Variants in NCOR1 observed in about 807,000 individuals in gnomAD.
The protein encoded by NCOR1 is nuclear receptor corepressor 1.
A neutral mutation model predicts 288.1 loss-of-function variants in NCOR1; 63 were observed. That is an observed-to-expected ratio of 0.22 (90% confidence interval 0.18 to 0.27). NCOR1 has a LOEUF of 0.27. NCOR1 is among the 10% of genes least tolerant of loss of function. The pLI, the probability that NCOR1 is intolerant of heterozygous loss-of-function variation, is 1.00. For synonymous variants in NCOR1, 1,007 were observed against 1,065.9 expected (o/e 0.94, Z 1.08); for missense variants, 2,397 against 3,019.2 (o/e 0.79, Z 4.83).
chr17:16,070,619 C>T (rs2061638475), intron 30 of NCOR1, 94 bp from the exon 31 acceptor site: 1 of 1,489,830 alleles, frequency 6.7e-7, no homozygotes. Flanking sequence ...TTACAGTTCA[C>T]TGTGGTGATC....
In NCOR1 at chr17:16,119,492, TAAAG is replaced by T. The variant is rs757867765; in HGVS notation, c.1853-11_1853-8del. ...TCCACAGGCTCTGTAGAAACTAAAATAAAGAGAGAACCCAATCAGGCAGAGAAAA... is the reference window on the plus strand; with the variant it reads ...TCCACAGGCTCTGTAGAAACTAAAATAGAGAACCCAATCAGGCAGAGAAAA... On this transcript the variant is annotated splice_polypyrimidine_tract_variant and splice_region_variant and intron_variant, in intron 16 of 45. Coordinates refer to ENST00000268712, the MANE Select transcript of NCOR1 (RefSeq NM_006311.4). 1.9e-6 allele frequency: 3 copies of T among 1,588,528 alleles called. No homozygotes were observed. The highest frequency in any genetic ancestry group is 2.7e-5 in the African/African-American group (2 of 73,718).
At chr17:16,044,179 A>AAC (rs2058250210) in intron 42 of NCOR1, among the ~76,000 whole-genome samples, 1 of 151,726 alleles carries the variant, frequency 6.6e-6, no homozygotes, top group African/African-American at 2.4e-5. Context: ...AAAAAAAAAA[A>AAC]AAAAAAAAAG....
rs142875820 is a variant in NCOR1 at position 16,159,505 on chromosome 17, C to A, written c.619-632G>T. 2.6e-5 allele frequency among the ~76,000 whole-genome samples: 4 copies of A among 151,182 alleles called. No individual in the cohort carries two copies. In the East Asian group the frequency reaches 7.8e-4, roughly 29 times the overall value. The stretch of plus-strand genomic sequence containing the variant: ...AAATTTAATGAAGGTACTCTACATA[C>A]CTCTATCACAATGACCTTTGACAGC... On this transcript the variant is annotated intron_variant, in intron 5 of 45. Coordinates refer to ENST00000268712, the MANE Select transcript of NCOR1 (RefSeq NM_006311.4).
At chr17:16,057,425 T>C (rs1448026186) in intron 40 of NCOR1, 89 bp downstream of exon 40, 4 of 1,313,824 alleles carry the variant, frequency 3.0e-6, no homozygotes, top group African/African-American at 2.9e-5. Flanking sequence ...TGAACTTTAG[T>C]TGTGAGAAAC....
intron 21 of NCOR1, among the ~76,000 whole-genome samples, chr17:16,096,853 T>A (rs755428804): frequency 2.6e-5 from 4 of 152,174 alleles, no homozygotes; most frequent in Admixed American, 1.3e-4. Context: ...CAGGTACTAG[T>A]CACAATAGTC....
intron 19 of NCOR1, among the ~76,000 whole-genome samples, chr17:16,104,607 C>CA (rs1320644380): frequency 6.6e-6 from 1 of 151,980 alleles, no homozygotes; most frequent in Non-Finnish European, 1.5e-5. Flanking sequence ...CTCATCTCTA[C>CA]AAAAAAATTA....
chr17:16,080,531 T>C, intron 24 of NCOR1, 22 bp from the exon 25 acceptor site: 1 of 1,535,660 alleles, frequency 6.5e-7, no homozygotes, highest in Non-Finnish European at 9.0e-7. Flanking sequence ...CAGAGAAACA[T>C]GAAACAATCC....
chr17:16,071,102 A>G (rs1274826147), intron 30 of NCOR1, among the ~76,000 whole-genome samples: 1 of 151,972 alleles, frequency 6.6e-6, no homozygotes, highest in Non-Finnish European at 1.5e-5. Flanking sequence ...GCAACATGGC[A>G]AAGCCCTGTC....
chr17:16,067,094 C>T (rs150966589), intron 32 of NCOR1, among the ~76,000 whole-genome samples: 160 of 152,318 alleles, frequency 1.1e-3, no homozygotes, highest in Middle Eastern at 3.4e-3. Flanking sequence ...CCAGCCAAGC[C>T]TCTCTGTACC....
intron 18 of NCOR1, among the ~76,000 whole-genome samples, chr17:16,112,232 G>A (rs188929094): frequency 7.5e-4 from 114 of 152,176 alleles, no homozygotes; most frequent in Non-Finnish European, 1.4e-3. Context: ...AAAACATTTT[G>A]GATGTTACCT....
chr17:16,034,670 C>G, intron 45 of NCOR1, 95 bp downstream of exon 45: 1 of 1,157,072 alleles, frequency 8.6e-7, no homozygotes, highest in Non-Finnish European at 1.2e-6. Context: ...TATAGGTTTC[C>G]AAATTAGAAG....
intron 18 of NCOR1, among the ~76,000 whole-genome samples, chr17:16,114,275 C>T (rs1216810301): frequency 2.0e-5 from 3 of 151,964 alleles, no homozygotes; most frequent in Non-Finnish European, 4.4e-5. Context: ...CAATTATCTC[C>T]CACTGGGTCC....
chr17:16,186,193 C>T (rs542653342), intron 3 of NCOR1, among the ~76,000 whole-genome samples: 1 of 152,260 alleles, frequency 6.6e-6, no homozygotes, highest in African/African-American at 2.4e-5. Flanking sequence ...ACCGGAAAAA[C>T]TTCGGCGATA....
chr17:16,031,052 CAAGCA>C lies in NCOR1; in HGVS notation c.*1239_*1243del. 1 of 193,830 alleles carries C rather than the reference CAAGCA, an allele frequency of 5.2e-6. No homozygotes were observed. Among genetic ancestry groups the C allele is most frequent in the East Asian group, 8.1e-5 (1 of 12,330 alleles). The allele number at this position is 193,830 out of a possible 1,614,324, so 12.0% of individuals were successfully genotyped here. On this transcript the variant is annotated 3_prime_UTR_variant, in exon 46 of 46. Transcript: ENST00000268712. ...GTATGAAAAAAACTTTAAAATTCAG[CAAGCA>C]ATTCTTAATGAAAGATAAAACTGGC...
At chr17:16,105,311 G>C (rs1391459444) in intron 19 of NCOR1, among the ~76,000 whole-genome samples, 1 of 152,106 alleles carries the variant, frequency 6.6e-6, no homozygotes, top group Non-Finnish European at 1.5e-5. Context: ...CAGATACTTG[G>C]GGGGATGAGG....
intron 11 of NCOR1, among the ~76,000 whole-genome samples, chr17:16,142,568 A>C (rs1251167719): frequency 6.6e-6 from 1 of 152,190 alleles, no homozygotes; most frequent in Non-Finnish European, 1.5e-5. Context: ...CTTATTCTGC[A>C]TTTATTTATT....
At chr17:16,215,038 T>TCCCTCGCAGG (rs889627929) in intron 1 of NCOR1, among the ~76,000 whole-genome samples, 1 of 152,146 alleles carries the variant, frequency 6.6e-6, no homozygotes, top group Non-Finnish European at 1.5e-5. Context: ...CTGCCCGCTC[T>TCCCTCGCAGG]CCCTCGCAGG....
chr17:16,205,937 C>CA (rs199837579), intron 1 of NCOR1, among the ~76,000 whole-genome samples: 2,462 of 67,492 alleles, frequency 0.036, 65 homozygotes, highest in African/African-American at 0.1. Context: ...TACTCCGTCT[C>CA]AAAAAAAAAA....
intron 1 of NCOR1, among the ~76,000 whole-genome samples, chr17:16,204,674 G>C (rs1056573109): frequency 6.6e-6 from 1 of 152,144 alleles, no homozygotes; most frequent in Non-Finnish European, 1.5e-5. Context: ...GTCTTAAGTA[G>C]AGCACAAAAC....
Sources: gnomAD v4.1 joint callset for allele counts (sites outside exome capture counted in the v4.1 genomes callset) on GRCh38, gnomAD v4.1.1 for gene constraint, MANE v1.5 for transcripts, NCBI Gene and HGNC (gene_info 2026-07-23, HGNC 2026-07-21) for gene names.